The following ANXA8 variants were observed in gnomAD, a reference collection of about 807,000 sequenced individuals.
The protein encoded by ANXA8 is VAC-beta.
In ANXA8, 9 loss-of-function variants were observed where a neutral mutation model predicts 26.8. That is an observed-to-expected ratio of 0.34 (90% confidence interval 0.20 to 0.59). ANXA8 has a LOEUF of 0.59. Among genes scored for constraint, ANXA8 ranks in the 20% least tolerant of loss-of-function variants. The pLI is 0.84. For synonymous variants in ANXA8, 39 were observed against 94.8 expected, an observed-to-expected ratio of 0.41 and a Z score of 3.42; for missense variants, 83 against 238.5, an observed-to-expected ratio of 0.35 and a Z score of 4.29.
the ANXA8 span, among the ~76,000 whole-genome samples, chr10:47,656,897 G>A: frequency 6.7e-6 from 1 of 148,758 alleles, no homozygotes; most frequent in African/African-American, 2.5e-5. Flanking sequence ...TTTATAGAGA[G>A]ATTAGTCAGT....
the ANXA8 span, among the ~76,000 whole-genome samples, chr10:47,946,441 T>C: frequency 6.6e-6 from 1 of 150,506 alleles, no homozygotes; most frequent in Non-Finnish European, 1.5e-5. Flanking sequence ...CCAGTCTTAT[T>C]CCCAACATCA....
the ANXA8 span, among the ~76,000 whole-genome samples, chr10:47,499,612 T>A: frequency 3.1e-4 from 25 of 80,846 alleles, no homozygotes; most frequent in African/African-American, 1.3e-3. Flanking sequence ...TGTTCATGAA[T>A]CAAGTCACTG....
the ANXA8 span, among the ~76,000 whole-genome samples, chr10:47,649,472 C>T: frequency 2.6e-5 from 4 of 151,270 alleles, no homozygotes; most frequent in Non-Finnish European, 5.9e-5. Context: ...TCAGTGGTGC[C>T]ATCTTGGTTC....
At chr10:47,772,083 A>G in the ANXA8 span, among the ~76,000 whole-genome samples, 4 of 151,616 alleles carry the variant, frequency 2.6e-5, no homozygotes, top group Admixed American at 6.6e-5. Context: ...CTGCCAAACC[A>G]TGAAGCCATT....
chr10:47,945,596 C>G, the ANXA8 span, among the ~76,000 whole-genome samples: 3 of 144,214 alleles, frequency 2.1e-5, 1 homozygote, highest in East Asian at 6.7e-4. Flanking sequence ...GAGGATCAGC[C>G]TCTTCCTGGA....
the ANXA8 span, among the ~76,000 whole-genome samples, chr10:47,974,286 CT>C: frequency 6.8e-6 from 1 of 146,862 alleles, no homozygotes; most frequent in Non-Finnish European, 1.5e-5. Context: ...TTTGGAAATT[CT>C]TTTTTCTTTG....
At chr10:47,567,203 T>C in the ANXA8 span, among the ~76,000 whole-genome samples, 1 of 114,990 alleles carries the variant, frequency 8.7e-6, no homozygotes, top group African/African-American at 3.9e-5. Flanking sequence ...TAAAGCCCCC[T>C]TGTTGACCCG....
the ANXA8 span, among the ~76,000 whole-genome samples, chr10:47,736,273 A>G: frequency 3.0e-5 from 1 of 33,402 alleles, no homozygotes; most frequent in African/African-American, 1.2e-4. Context: ...AACCATTGTT[A>G]CTATTTTGTT....
chr10:47,753,067 C>T, the ANXA8 span: 1 of 674,972 alleles, frequency 1.5e-6, no homozygotes, highest in Non-Finnish European at 1.8e-6. Flanking sequence ...GAGATCACGC[C>T]ATTGCACTCC....
the ANXA8 span, among the ~76,000 whole-genome samples, chr10:47,721,565 C>G: frequency 7.4e-6 from 1 of 135,380 alleles, no homozygotes; most frequent in Non-Finnish European, 1.6e-5. Flanking sequence ...GAGTTTCGCT[C>G]TTGTTGCCCA....
At chr10:47,595,180 G>A in the ANXA8 span, among the ~76,000 whole-genome samples, 4 of 148,360 alleles carry the variant, frequency 2.7e-5, no homozygotes, top group Admixed American at 2.0e-4. Context: ...CTTCATAAAC[G>A]AAGGAGAGAT....
chr10:47,484,214 T>C, upstream of ANXA8: 1 of 736,676 alleles, frequency 1.4e-6, no homozygotes, highest in Non-Finnish European at 2.5e-6. Flanking sequence ...ATATTTGGGC[T>C]GTGGCTGTTA....
chr10:47,611,234 C>CAGTGT, the ANXA8 span, among the ~76,000 whole-genome samples: 3 of 55,814 alleles, frequency 5.4e-5, no homozygotes, highest in Non-Finnish European at 1.1e-4. Context: ...GGATGCTTAG[C>CAGTGT]AGTGTCTCTG....
chr10:47,546,641 C>T, the ANXA8 span, among the ~76,000 whole-genome samples: 4 of 134,818 alleles, frequency 3.0e-5, no homozygotes, highest in African/African-American at 8.2e-5. Context: ...CTCCTGACCC[C>T]GTGATCTGCC....
At chr10:47,585,043 G>A in the ANXA8 span, among the ~76,000 whole-genome samples, 1 of 146,800 alleles carries the variant, frequency 6.8e-6, no homozygotes, top group Admixed American at 6.6e-5. Context: ...GAGTGAGATG[G>A]CACCACTGCA....
the ANXA8 span, among the ~76,000 whole-genome samples, chr10:47,945,451 AC>A: frequency 6.6e-6 from 1 of 150,782 alleles, no homozygotes; most frequent in South Asian, 2.1e-4. Context: ...CTCTTTGCCC[AC>A]CCGCTGCTGC....
chr10:47,686,559 A>G, the ANXA8 span, among the ~76,000 whole-genome samples: 2 of 151,894 alleles, frequency 1.3e-5, no homozygotes, highest in African/African-American at 4.8e-5. Context: ...CTCAGAAATT[A>G]AGCTCCTTAA....
At chr10:47,516,663 G>A in the ANXA8 span, among the ~76,000 whole-genome samples, 81 of 136,294 alleles carry the variant, frequency 5.9e-4, 19 homozygotes, top group African/African-American at 2.1e-3. Flanking sequence ...GGAAACCCAC[G>A]CTATATTGAA....
the ANXA8 span, among the ~76,000 whole-genome samples, chr10:47,498,441 T>C: frequency 7.0e-6 from 1 of 142,402 alleles, no homozygotes; most frequent in Non-Finnish European, 1.5e-5. Flanking sequence ...CGAGTGTGAA[T>C]ACCACTGCTA....
Sources: allele counts gnomAD v4.1 joint callset (sites outside exome capture counted in the v4.1 genomes callset), GRCh38; gene constraint gnomAD v4.1.1; transcripts MANE v1.5; gene names NCBI Gene and HGNC (gene_info 2026-07-23, HGNC 2026-07-21).